The following MYO3A variants were observed in gnomAD, a reference collection of about 807,000 sequenced individuals.
MYO3A encodes myosin IIIA.
Under a neutral mutation model 192.7 loss-of-function variants are expected in MYO3A, and 180 were observed. The ratio of observed to expected loss-of-function variants is 0.93; its 90% CI spans 0.83 to 1.06. MYO3A has a LOEUF of 1.06. Among genes scored for constraint, MYO3A ranks in the 50% least tolerant of loss-of-function variants. The pLI, the probability that MYO3A is intolerant of heterozygous loss-of-function variation, is 0.00. For missense variants in MYO3A, 1,896 were observed against 1,905.0 expected, an observed-to-expected ratio of 1.00 and a Z score of 0.09; for synonymous variants, 628 against 645.3, an observed-to-expected ratio of 0.97 and a Z score of 0.41.
intron 20 of MYO3A, 145 bp downstream of exon 20, chr10:26,128,683 T>G: frequency 1.1e-6 from 1 of 888,502 alleles, no homozygotes; most frequent in Non-Finnish European, 1.7e-6. Flanking sequence ...ACGTCCATAG[T>G]AAAAACAAAC....
chr10:26,019,383 C>T (rs960328544), intron 7 of MYO3A, among the ~76,000 whole-genome samples: 3 of 152,080 alleles, frequency 2.0e-5, no homozygotes, highest in African/African-American at 4.8e-5. Flanking sequence ...CTCAGCCTCC[C>T]GAGTAGCTGG....
At chr10:26,169,811 T>G (rs1411796769) in intron 28 of MYO3A, among the ~76,000 whole-genome samples, 2 of 152,204 alleles carry the variant, frequency 1.3e-5, no homozygotes, top group East Asian at 3.8e-4. Context: ...ATTTCAAAAT[T>G]TATAAAGCTC....
intron 4 of MYO3A, among the ~76,000 whole-genome samples, chr10:25,995,369 G>A (rs1035034020): frequency 6.6e-6 from 1 of 152,096 alleles, no homozygotes; most frequent in Non-Finnish European, 1.5e-5. Context: ...GTCCTTTAAG[G>A]ACTTCTCTGC....
chr10:26,138,717 G>A (rs900597876), intron 20 of MYO3A, among the ~76,000 whole-genome samples: 6 of 152,150 alleles, frequency 3.9e-5, no homozygotes, highest in Non-Finnish European at 5.9e-5. Flanking sequence ...ACCTGCAGGC[G>A]AGGGCTACAG....
In MYO3A at chr10:26,125,586, T is replaced by C. The variant is rs1222191766; in HGVS notation, c.2092T>C (p.Leu698=). ...GATAGTCAATTGCATTAACAGTTTGTTGAAGCATGACTCATCACCAAGGTA... is the reference window on the plus strand; with the variant it reads ...GATAGTCAATTGCATTAACAGTTTGCTGAAGCATGACTCATCACCAAGGTA... ...SWIVNCINSL[L]KHDSSPSGNG... is the part of the protein sequence containing the mutation. The change falls in exon 19 of 35, where the codon TTG becomes CTG. Residue 698 remains leucine (L), a synonymous_variant. Transcript: ENST00000642920. The C allele has an allele frequency of 2.5e-6, 4 of 1,614,022 alleles. No individual in the cohort carries two copies. Among genetic ancestry groups the C allele is most frequent in the Non-Finnish European group, 3.4e-6 (4 of 1,179,866 alleles).
rs929448981 is a variant in MYO3A at position 26,143,615 on chromosome 10, C to T, written c.2416+14C>T. 10 of 1,613,208 alleles carry T rather than the reference C, an allele frequency of 6.2e-6. No individual in the cohort carries two copies. Among genetic ancestry groups the T allele is most frequent in the Non-Finnish European group, 8.5e-6 (10 of 1,179,454 alleles). The stretch of plus-strand genomic sequence containing the variant: ...AGACTCTTGTAGGTGAGTTTTCAGT[C>T]CAGTGTGTCTGCATGGTTTTATGAA... On this transcript the variant is annotated intron_variant, in intron 21 of 34. Transcript: ENST00000642920.
At chr10:26,163,920 C>CT (rs981967234) in intron 26 of MYO3A, among the ~76,000 whole-genome samples, 41 of 152,022 alleles carry the variant, frequency 2.7e-4, no homozygotes, top group Non-Finnish European at 1.5e-5. Flanking sequence ...TGCAGGGAGA[C>CT]TAAGAGGGAG....
rs774393532 is a variant in MYO3A, at chr10:26,128,463, C to T, written c.2187C>T (p.Phe729=). 7 of 1,612,264 alleles carry T rather than the reference C, an allele frequency of 4.3e-6. No homozygotes were observed. The African/African-American group carries it at 8.0e-5, about 18-fold the overall frequency. The change falls in exon 20 of 35, where the codon TTC becomes TTT. Residue 729 remains phenylalanine, a synonymous_variant. Transcript: ENST00000642920. ...TTGAAAATTTCAAAAAAAATTCCTT[C>T]GAGCAGCTGTGCATTAACATTGCAA... ...FGFENFKKNS[F]EQLCINIANE...
At chr10:26,087,971 C>T (rs559004915) in intron 14 of MYO3A, among the ~76,000 whole-genome samples, 4 of 152,206 alleles carry the variant, frequency 2.6e-5, no homozygotes, top group East Asian at 1.9e-4. Flanking sequence ...AACAGAACTG[C>T]GCTTGAATAG....
intron 32 of MYO3A, among the ~76,000 whole-genome samples, chr10:26,193,682 A>T (rs1282684178): frequency 1.3e-5 from 2 of 152,206 alleles, no homozygotes; most frequent in Admixed American, 6.5e-5. Flanking sequence ...GAAGAAAAGG[A>T]AAGAAGAGGG....
At position 26,188,454 on chromosome 10, in the gene MYO3A, C is replaced by T. The variant is rs559356451; in HGVS notation, c.4439-4751C>T. Among the ~76,000 whole-genome samples, 4 of 152,284 alleles carry T rather than the reference C, an allele frequency of 2.6e-5. No homozygotes were observed. In the South Asian group the frequency reaches 8.3e-4, roughly 32 times the overall value. On this transcript the variant is annotated intron_variant, in intron 31 of 34. Transcript: ENST00000642920. ...CCATTCTGTAGGTTGCCTATTCACTCTGATGGTAGTTTCTTTGGCTGTGCA... is the reference window on the plus strand; with the variant it reads ...CCATTCTGTAGGTTGCCTATTCACTTTGATGGTAGTTTCTTTGGCTGTGCA...
At chr10:26,185,029 A>G (rs1231402897) in intron 31 of MYO3A, among the ~76,000 whole-genome samples, 3 of 152,194 alleles carry the variant, frequency 2.0e-5, no homozygotes, top group Admixed American at 2.0e-4. Context: ...AAATATTCTG[A>G]AGGAATTTAA....
Position 26,021,648 on chromosome 10 carries a change from G to A in MYO3A, c.731G>A (p.Arg244Lys), listed in dbSNP as rs1211030772. ...ATGAGAGCACTCTTCAAAATACCAA[G>A]GTCAGATGACTAACATTGGGTCCAG... ...HPMRALFKIPRNPPPKLRQPE... is the reference protein window; with the variant it reads ...HPMRALFKIPKNPPPKLRQPE... Residue 244 changes from arginine to lysine, a missense_variant and splice_region_variant, in exon 8 of 35, where the codon AGG becomes AAG. Coordinates refer to ENST00000642920, the MANE Select transcript of MYO3A (RefSeq NM_017433.5). 6.2e-7 allele frequency: 1 copy of A among 1,614,032 alleles called. No homozygotes were observed. The highest frequency in any genetic ancestry group is 1.1e-5 in the South Asian group (1 of 91,080).
chr10:26,002,209 A>G (rs1840872381), intron 6 of MYO3A, among the ~76,000 whole-genome samples: 1 of 152,238 alleles, frequency 6.6e-6, no homozygotes, highest in Non-Finnish European at 1.5e-5. Context: ...CCAGTTACAC[A>G]CATGATACTT....
intron 17 of MYO3A, among the ~76,000 whole-genome samples, chr10:26,105,241 G>A (rs1197644434): frequency 6.6e-6 from 1 of 152,006 alleles, no homozygotes; most frequent in Non-Finnish European, 1.5e-5. Context: ...TGGAATTTCT[G>A]GGTTAAAAGG....
chr10:26,002,396 C>T (rs1448475525), intron 6 of MYO3A, among the ~76,000 whole-genome samples: 2 of 152,204 alleles, frequency 1.3e-5, no homozygotes, highest in South Asian at 2.1e-4. Flanking sequence ...TGAGCGCACA[C>T]CTGCACAAGG....
chr10:26,111,146 G>A (rs982273125), intron 17 of MYO3A, among the ~76,000 whole-genome samples: 26 of 152,104 alleles, frequency 1.7e-4, no homozygotes, highest in African/African-American at 6.3e-4. Context: ...GGAATTACAG[G>A]CATGAGGTGC....
At chr10:26,062,888 TGAG>T (rs5783959) in intron 10 of MYO3A, among the ~76,000 whole-genome samples, 71,561 of 151,458 alleles carry the variant, frequency 0.47, 17,731 homozygotes, top group Middle Eastern at 0.59. Flanking sequence ...TGAGGGAATA[TGAG>T]GAGAAGATAG....
intron 28 of MYO3A, among the ~76,000 whole-genome samples, chr10:26,169,135 T>C (rs1841915480): frequency 6.6e-6 from 1 of 152,222 alleles, no homozygotes; most frequent in Non-Finnish European, 1.5e-5. Flanking sequence ...TTGTGGAAGA[T>C]ATAGCAAATA....
Sources: gnomAD v4.1 joint callset for allele counts (sites outside exome capture counted in the v4.1 genomes callset) on GRCh38, gnomAD v4.1.1 for gene constraint, MANE v1.5 for transcripts, NCBI Gene and HGNC (gene_info 2026-07-23, HGNC 2026-07-21) for gene names.